Variants in HSF5 observed in about 807,000 individuals in gnomAD.
HSF5 encodes heat shock transcription factor 5, also known as heat shock factor protein 5.
A neutral mutation model predicts 50.8 loss-of-function variants in HSF5; 5 were observed. The ratio of observed to expected loss-of-function variants is 0.10; its 90% CI spans 0.05 to 0.21. The LOEUF (loss-of-function observed/expected upper bound fraction) is 0.21. HSF5 is among the 10% of genes least tolerant of loss of function. The pLI is 1.00. For synonymous variants in HSF5, 307 were observed against 307.4 expected (o/e 1.00, Z 0.02); for missense variants, 564 against 762.6 (o/e 0.74, Z 3.07).
chr17:58,432,850 G>T (rs1974382055), intron 5 of HSF5, among the ~76,000 whole-genome samples: 1 of 152,128 alleles, frequency 6.6e-6, no homozygotes, highest in Admixed American at 6.6e-5. Flanking sequence ...TTGGACCATG[G>T]CGACACCAAA....
At chr17:58,438,284 T>G (rs971706429) in intron 5 of HSF5, among the ~76,000 whole-genome samples, 1 of 152,180 alleles carries the variant, frequency 6.6e-6, no homozygotes, top group Non-Finnish European at 1.5e-5. Context: ...GCTGTAAGGG[T>G]TTGTAGCCTA....
intron 5 of HSF5, among the ~76,000 whole-genome samples, chr17:58,423,483 C>CTTTT (rs71143245): frequency 3.6e-4 from 38 of 106,512 alleles, no homozygotes; most frequent in Non-Finnish European, 4.8e-4. Context: ...GACCAGGGAG[C>CTTTT]TTTTTTTTTT....
intron 5 of HSF5, among the ~76,000 whole-genome samples, chr17:58,438,085 A>C (rs918446823): frequency 7.9e-5 from 12 of 152,174 alleles, no homozygotes; most frequent in African/African-American, 2.9e-4. Flanking sequence ...TCAACAGTTA[A>C]AGTTTTGCCA....
intron 5 of HSF5, among the ~76,000 whole-genome samples, chr17:58,428,216 T>A (rs1974319081): frequency 1.3e-5 from 2 of 152,154 alleles, no homozygotes; most frequent in South Asian, 2.1e-4. Context: ...ATGGGTACAA[T>A]CAAGATAAAT....
intron 4 of HSF5, among the ~76,000 whole-genome samples, chr17:58,461,605 C>T (rs1293160483): frequency 6.6e-6 from 1 of 152,210 alleles, no homozygotes; most frequent in African/African-American, 2.4e-5. Context: ...AGCACAGTGG[C>T]TCATGCCTGT....
chr17:58,475,914 G>A (rs1975006240), intron 2 of HSF5, among the ~76,000 whole-genome samples: 1 of 152,206 alleles, frequency 6.6e-6, no homozygotes, highest in African/African-American at 2.4e-5. Context: ...CGAACAGAAA[G>A]GGGTAGAGAC....
chr17:58,476,296 T>C, intron 2 of HSF5: 1 of 1,025,274 alleles, frequency 9.8e-7, no homozygotes, highest in Non-Finnish European at 1.5e-6. Context: ...CAAGTGGTAC[T>C]GTAATGGGTT....
Position 58,474,993 on chromosome 17 carries a change from T to A in HSF5, c.925+4900A>T, listed in dbSNP as rs541940188. Among the ~76,000 whole-genome samples, 225 of 151,998 alleles carry A rather than the reference T, an allele frequency of 1.5e-3. 2 individuals carry two copies. Among genetic ancestry groups the A allele is most frequent in the Middle Eastern group, 3.4e-3 (1 of 294 alleles). ...TTTCTATGTAACATGGTAAAAAAAA[T>A]TTTTTTTTAATTTCTAATAGGCAAA... On this transcript the variant is annotated intron_variant, in intron 2 of 5. Coordinates refer to ENST00000323777, the MANE Select transcript of HSF5 (RefSeq NM_001080439.3).
At chr17:58,460,478 T>C (rs12603839) in intron 4 of HSF5, among the ~76,000 whole-genome samples, 84,077 of 137,462 alleles carry the variant, frequency 0.61, 27,451 homozygotes, top group Admixed American at 0.73. Flanking sequence ...TACATATATA[T>C]ACACACACAC....
rs1230948766 is a variant in HSF5, at chr17:58,462,934, T to G, written c.1390A>C (p.Ile464Leu). The G allele has an allele frequency of 1.2e-6, 2 of 1,614,194 alleles. No homozygotes were observed. Among genetic ancestry groups the G allele is most frequent in the Non-Finnish European group, 1.7e-6 (2 of 1,180,030 alleles). The change falls in exon 4 of 6, where the codon ATC becomes CTC. Residue 464 changes from isoleucine to leucine, a missense_variant. Ile to Leu is a conservative substitution (Grantham distance 5). Transcript: ENST00000323777. ...LPQSPEYIYT[I>L]HTAQPVENST... ...TTTTCAACAGGCTGAGCTGTGTGGA[T>G]GGTATAGATGTACTCAGGTGACTGT...
At chr17:58,443,785 A>G (rs1417615349) in intron 5 of HSF5, among the ~76,000 whole-genome samples, 1 of 152,212 alleles carries the variant, frequency 6.6e-6, no homozygotes, top group Admixed American at 6.5e-5. Context: ...TTATCTGAAA[A>G]GGTTATCTGC....
At chr17:58,486,691 G>A (rs1291631352) in intron 1 of HSF5, among the ~76,000 whole-genome samples, 1 of 152,026 alleles carries the variant, frequency 6.6e-6, no homozygotes, top group Non-Finnish European at 1.5e-5. Context: ...ACGATGTATC[G>A]TTGTATTTTT....
chr17:58,481,647 TA>T (rs1975100029), intron 1 of HSF5, among the ~76,000 whole-genome samples: 1 of 152,264 alleles, frequency 6.6e-6, no homozygotes, highest in Admixed American at 6.5e-5. Context: ...AATTAGATTG[TA>T]AACCCATTCA....
intron 5 of HSF5, among the ~76,000 whole-genome samples, chr17:58,430,434 A>G (rs148240769): frequency 6.6e-6 from 1 of 152,314 alleles, no homozygotes; most frequent in Non-Finnish European, 1.5e-5. Context: ...TGTGAGTCTG[A>G]GTGGACTAGG....
At chr17:58,459,118 T>C (rs574397554) in intron 4 of HSF5, among the ~76,000 whole-genome samples, 173 bp from the exon 5 acceptor site, 1 of 152,278 alleles carries the variant, frequency 6.6e-6, no homozygotes, top group African/African-American at 2.4e-5. Flanking sequence ...ACTATTAAAA[T>C]GTATATGGAG....
At chr17:58,480,965 T>C (rs181099994) in intron 1 of HSF5, among the ~76,000 whole-genome samples, 10 of 152,302 alleles carry the variant, frequency 6.6e-5, no homozygotes, top group African/African-American at 1.9e-4. Flanking sequence ...TTTTACTTTT[T>C]GTAGAAACAA....
intron 2 of HSF5, among the ~76,000 whole-genome samples, chr17:58,467,322 T>C (rs1974880999): frequency 6.6e-6 from 1 of 152,228 alleles, no homozygotes; most frequent in Non-Finnish European, 1.5e-5. Flanking sequence ...AATTCCAAAA[T>C]AAGTATTTCA....
chr17:58,466,853 G>T (rs775002352), intron 3 of HSF5, 32 bp downstream of exon 3: 1 of 1,312,510 alleles, frequency 7.6e-7, no homozygotes, highest in Admixed American at 1.7e-5. Flanking sequence ...CACATAAAGC[G>T]CGGAGCATGG....
At chr17:58,446,723 G>C (rs924450884) in intron 5 of HSF5, among the ~76,000 whole-genome samples, 1 of 152,228 alleles carries the variant, frequency 6.6e-6, no homozygotes, top group African/African-American at 2.4e-5. Flanking sequence ...GTGGGAGGCT[G>C]TAGGCTTGGG....
Sources: gnomAD v4.1 joint callset for allele counts (sites outside exome capture counted in the v4.1 genomes callset) on GRCh38, gnomAD v4.1.1 for gene constraint, MANE v1.5 for transcripts, NCBI Gene and HGNC (gene_info 2026-07-23, HGNC 2026-07-21) for gene names.